WWOX: variants seen among roughly 807,000 people sequenced by gnomAD.
WWOX encodes WW domain-containing oxidoreductase.
A neutral mutation model predicts 46.2 loss-of-function variants in WWOX; 69 were observed. The ratio of observed to expected loss-of-function variants is 1.49; its 90% CI spans 1.23 to 1.82. The LOEUF (loss-of-function observed/expected upper bound fraction) is 1.82. WWOX is among the 40% of genes most tolerant of loss of function. The pLI is 0.00. For synonymous variants in WWOX, 359 were observed against 202.6 expected (o/e 1.77, Z -6.56); for missense variants, 919 against 542.6 (o/e 1.69, Z -6.89).
chr16:79,108,710 C>T (rs886296688), intron 8 of WWOX, among the ~76,000 whole-genome samples: 8 of 151,886 alleles, frequency 5.3e-5, no homozygotes, highest in African/African-American at 9.7e-5. Context: ...GAGACCAGCC[C>T]GGGCAACACA....
chr16:78,380,373 A>G (rs775133593), intron 5 of WWOX, among the ~76,000 whole-genome samples: 1 of 152,280 alleles, frequency 6.6e-6, no homozygotes, highest in Non-Finnish European at 1.5e-5. Flanking sequence ...CAGCTTCTCC[A>G]TCTGTGAAAT....
chr16:78,318,448 T>A (rs558179733), intron 5 of WWOX, among the ~76,000 whole-genome samples: 5 of 151,636 alleles, frequency 3.3e-5, no homozygotes, highest in South Asian at 2.1e-4. Flanking sequence ...AAAAATAATA[T>A]TATTCTGTTG....
At chr16:78,762,457 A>G (rs1386391197) in intron 8 of WWOX, among the ~76,000 whole-genome samples, 3 of 152,180 alleles carry the variant, frequency 2.0e-5, no homozygotes, top group African/African-American at 4.8e-5. Flanking sequence ...TCGAATAGAC[A>G]TTAAGTGAGC....
chr16:78,373,957 T>C (rs2081756400), intron 5 of WWOX, among the ~76,000 whole-genome samples: 1 of 152,156 alleles, frequency 6.6e-6, no homozygotes, highest in African/African-American at 2.4e-5. Flanking sequence ...CGGCCAATTT[T>C]TGTATTTTTA....
In WWOX at chr16:78,149,773, A is replaced by G. The variant is rs143475371; in HGVS notation, c.410-14410A>G. On this transcript the variant is annotated intron_variant, in intron 4 of 8. Coordinates refer to ENST00000566780, the MANE Select transcript of WWOX (RefSeq NM_016373.4). ...ATGATTTGTATTTGACTGACAGTCA[A>G]GACCCTGTGGGGTGTGAGCCTGGTG... Among the ~76,000 whole-genome samples the G allele has an allele frequency of 1.4e-3, 214 of 152,310 alleles. 1 individual carries two copies. Among genetic ancestry groups the G allele is most frequent in the African/African-American group, 5.0e-3 (207 of 41,572 alleles).
At chr16:78,911,546 G>A (rs931750887) in intron 8 of WWOX, among the ~76,000 whole-genome samples, 4 of 152,010 alleles carry the variant, frequency 2.6e-5, no homozygotes, top group Admixed American at 2.6e-4. Context: ...AGACTCTTAG[G>A]AAAATTCTCC....
intron 8 of WWOX, among the ~76,000 whole-genome samples, chr16:79,143,411 G>A (rs1597414544): frequency 6.6e-6 from 1 of 152,162 alleles, no homozygotes; most frequent in African/African-American, 2.4e-5. Flanking sequence ...TGTAACAGCT[G>A]CAGGGAAGGC....
chr16:79,208,472 T>C (rs940783487), intron 8 of WWOX, among the ~76,000 whole-genome samples: 19 of 152,230 alleles, frequency 1.2e-4, no homozygotes, highest in African/African-American at 4.6e-4. Context: ...TCAGTAAGCA[T>C]TGATGACAAC....
intron 5 of WWOX, among the ~76,000 whole-genome samples, chr16:78,278,067 A>G (rs2079611776): frequency 6.6e-6 from 1 of 152,150 alleles, no homozygotes; most frequent in African/African-American, 2.4e-5. Flanking sequence ...CTTAAAATGC[A>G]TCCTCTGATG....
intron 8 of WWOX, among the ~76,000 whole-genome samples, chr16:78,587,733 G>A (rs185896250): frequency 5.3e-5 from 8 of 152,224 alleles, no homozygotes; most frequent in Admixed American, 4.6e-4. Flanking sequence ...GCTTTTTGTG[G>A]AGCTGGATAT....
intron 8 of WWOX, among the ~76,000 whole-genome samples, chr16:78,976,280 A>G (rs1046889977): frequency 2.0e-5 from 3 of 152,160 alleles, no homozygotes; most frequent in Non-Finnish European, 4.4e-5. Context: ...AAACACTCCT[A>G]CTTCTTTCTG....
intron 8 of WWOX, among the ~76,000 whole-genome samples, chr16:79,129,399 C>T (rs937238878): frequency 7.5e-5 from 11 of 146,162 alleles, no homozygotes; most frequent in Non-Finnish European, 1.5e-4. Context: ...TCGTATGGAA[C>T]GATCTTGATG....
intron 8 of WWOX, among the ~76,000 whole-genome samples, chr16:79,056,610 C>G (rs370590087): frequency 7.2e-5 from 11 of 152,324 alleles, no homozygotes; most frequent in African/African-American, 2.4e-4. Context: ...TCCCTGGCCT[C>G]TACCCACTAG....
chr16:79,106,888 A>G (rs2049321324), intron 8 of WWOX: 2 of 149,152 alleles, frequency 1.3e-5, no homozygotes, highest in Non-Finnish European at 3.0e-5. Flanking sequence ...GCTCACTACA[A>G]CATCTGCCCC....
rs150455882 is a variant in WWOX, at chr16:78,329,061, A to T, written c.517-57799A>T. On this transcript the variant is annotated intron_variant, in intron 5 of 8. Coordinates refer to ENST00000566780, the MANE Select transcript of WWOX (RefSeq NM_016373.4). ...TTTTTTCGTAGGACGAGGTTTCAGC[A>T]TGTTCGCCAGGCTGGTCTTGGATTC... is the stretch of plus-strand genomic sequence containing the variant. 9.1e-4 allele frequency among the ~76,000 whole-genome samples: 139 copies of T among 152,152 alleles called. 1 individual carries two copies. In the Middle Eastern group the frequency reaches 0.02, roughly 22 times the overall value.
At chr16:79,012,607 G>C (rs1464503471) in intron 8 of WWOX, among the ~76,000 whole-genome samples, 1 of 152,180 alleles carries the variant, frequency 6.6e-6, no homozygotes. Flanking sequence ...CTACTCTAAT[G>C]AGTGGTGCAG....
At chr16:79,094,579 G>GA (rs2049031609) in intron 8 of WWOX, among the ~76,000 whole-genome samples, 1 of 151,808 alleles carries the variant, frequency 6.6e-6, no homozygotes, top group Non-Finnish European at 1.5e-5. Flanking sequence ...AAGCAAATAA[G>GA]AAACAACAAC....
At chr16:79,142,337 C>T (rs1410987211) in intron 8 of WWOX, among the ~76,000 whole-genome samples, 2 of 152,276 alleles carry the variant, frequency 1.3e-5, no homozygotes, top group East Asian at 3.9e-4. Context: ...CAATTTTGTG[C>T]TGGAACTGGC....
intron 8 of WWOX, among the ~76,000 whole-genome samples, chr16:79,085,352 T>C (rs1376277321): frequency 6.6e-6 from 1 of 152,166 alleles, no homozygotes; most frequent in Non-Finnish European, 1.5e-5. Context: ...TGATATGAGG[T>C]TGAAGTGGAC....
Sources: gnomAD v4.1 joint callset for allele counts (sites outside exome capture counted in the v4.1 genomes callset) on GRCh38, gnomAD v4.1.1 for gene constraint, MANE v1.5 for transcripts, NCBI Gene and HGNC (gene_info 2026-07-23, HGNC 2026-07-21) for gene names.